TTC6: variants seen among roughly 807,000 people sequenced by gnomAD.
TTC6 encodes the protein tetratricopeptide repeat domain 6, also known as tetratricopeptide repeat protein 6.
In TTC6, 172 loss-of-function variants were observed where a neutral mutation model predicts 210.4. The observed-to-expected ratio is 0.82, with a 90% CI of 0.72 to 0.93. TTC6 has a LOEUF of 0.93. Among genes scored for constraint, TTC6 ranks in the 40% least tolerant of loss-of-function variants. The pLI, the probability that TTC6 is intolerant of heterozygous loss-of-function variation, is 0.00. For missense variants in TTC6, 2,414 were observed against 2,318.1 expected, an observed-to-expected ratio of 1.04 and a Z score of -0.85; for synonymous variants, 804 against 819.6, an observed-to-expected ratio of 0.98 and a Z score of 0.32.
At chr14:37,841,708 G>A (rs1482769474) in intron 30 of TTC6, 38 bp downstream of exon 32, 5 of 1,475,576 alleles carry the variant, frequency 3.4e-6, no homozygotes, top group South Asian at 1.2e-5. Flanking sequence ...GATTACAGTG[G>A]TTGAAGTGAT....
chr14:37,629,107 A>G (rs2095665130), intron 1 of TTC6, among the ~76,000 whole-genome samples: 1 of 152,132 alleles, frequency 6.6e-6, no homozygotes, highest in South Asian at 2.1e-4. Context: ...TTGGTTCCAT[A>G]TGAAATTTAA....
chr14:37,805,761 C>T (rs781015141), intron 21 of TTC6, among the ~76,000 whole-genome samples: 14 of 152,136 alleles, frequency 9.2e-5, no homozygotes, highest in Admixed American at 4.6e-4. Context: ...AGTGCAGTGG[C>T]GCGATCTCGG....
At chr14:37,838,534 CTT>C (rs2096202959) in intron 29 of TTC6, among the ~76,000 whole-genome samples, 1 of 152,134 alleles carries the variant, frequency 6.6e-6, no homozygotes, top group Admixed American at 6.5e-5. Context: ...TTTCCTCTCT[CTT>C]TTTTATACCT....
exon 1 of TTC6, chr14:37,622,774 G>C (rs1222241328): frequency 6.5e-7 from 1 of 1,534,816 alleles, no homozygotes; most frequent in African/African-American, 1.4e-5. Flanking sequence ...AGCGGGGCCC[G>C]CGAGGCGCGG....
At chr14:37,629,100 G>T (rs1231869537) in intron 1 of TTC6, among the ~76,000 whole-genome samples, 2 of 152,086 alleles carry the variant, frequency 1.3e-5, no homozygotes, top group Admixed American at 1.3e-4. Flanking sequence ...CTCTTTTTTG[G>T]TTCCATATGA....
chr14:37,770,859 G>T (rs2096015956), intron 14 of TTC6, among the ~76,000 whole-genome samples: 1 of 149,888 alleles, frequency 6.7e-6, no homozygotes, highest in African/African-American at 2.5e-5. Flanking sequence ...ATGTTAGCTG[G>T]TTATTTCGCT....
intron 1 of TTC6, among the ~76,000 whole-genome samples, chr14:37,665,072 T>C (rs751993002): frequency 6.6e-6 from 1 of 150,594 alleles, no homozygotes; most frequent in Non-Finnish European, 1.5e-5. Context: ...AGTTCAACCA[T>C]TGTGGAAGAC....
chr14:37,614,927 A>T (rs1035727806), intron 2 of TTC6, among the ~76,000 whole-genome samples: 2 of 152,096 alleles, frequency 1.3e-5, no homozygotes, highest in East Asian at 3.9e-4. Flanking sequence ...TAGTATTTTT[A>T]GTACAGATGG....
At chr14:37,744,449 AG>A (rs1259443075) in intron 10 of TTC6, among the ~76,000 whole-genome samples, 1 of 152,216 alleles carries the variant, frequency 6.6e-6, no homozygotes, top group Non-Finnish European at 1.5e-5. Flanking sequence ...GAATGGAATG[AG>A]GGAGTGAGGT....
intron 2 of TTC6, among the ~76,000 whole-genome samples, chr14:37,615,023 A>C (rs1219418676): frequency 6.6e-6 from 1 of 152,182 alleles, no homozygotes. Flanking sequence ...CTGGGATTAC[A>C]GGCATGAGCC....
intron 20 of TTC6, among the ~76,000 whole-genome samples, chr14:37,799,404 T>C (rs1384331321): frequency 6.6e-6 from 1 of 152,196 alleles, no homozygotes; most frequent in Non-Finnish European, 1.5e-5. Context: ...TTTCCTCACT[T>C]TCCACTCATT....
chr14:37,616,767 A>G (rs1027787212), intron 2 of TTC6, among the ~76,000 whole-genome samples: 6 of 151,214 alleles, frequency 4.0e-5, no homozygotes, highest in Non-Finnish European at 5.9e-5. Flanking sequence ...AGATGCATCT[A>G]TGGCTCTCCA....
rs1471223181 is a variant in TTC6, at chr14:37,655,111, C to A, written c.940-25040C>A. Reference sequence around the variant, plus strand: ...TGACAGCTCTCATTACCCCAGCTGTCAAACTACTTGCTTGTCCAGTGTAGC... The same window carrying A: ...TGACAGCTCTCATTACCCCAGCTGTAAAACTACTTGCTTGTCCAGTGTAGC... On this transcript the variant is annotated intron_variant, in intron 1 of 30. Coordinates refer to ENST00000553443, the Ensembl canonical transcript of TTC6. Among the ~76,000 whole-genome samples the A allele has an allele frequency of 2.0e-5, 3 of 152,194 alleles. No homozygotes were observed. The East Asian group carries it at 5.8e-4, about 29-fold the overall frequency.
At chr14:37,761,564 A>G (rs57249183) in intron 14 of TTC6, among the ~76,000 whole-genome samples, 4,474 of 152,146 alleles carry the variant, frequency 0.029, 208 homozygotes, top group African/African-American at 0.1. Context: ...CCATGTAACC[A>G]TCATCAGGTC....
At chr14:37,738,646 C>A in intron 9 of TTC6, 130 bp from the exon 12 acceptor site, 1 of 791,082 alleles carries the variant, frequency 1.3e-6, no homozygotes, top group Non-Finnish European at 1.8e-6. Flanking sequence ...TTTAAGAATA[C>A]TGATTTTTAA....
At chr14:37,697,868 C>T (rs2095817709) in intron 4 of TTC6, among the ~76,000 whole-genome samples, 2 of 152,102 alleles carry the variant, frequency 1.3e-5, no homozygotes, top group East Asian at 3.9e-4. Flanking sequence ...AAAAACCTTG[C>T]ATTTAGTGCA....
intron 1 of TTC6, among the ~76,000 whole-genome samples, chr14:37,656,731 G>A (rs1024035428): frequency 1.3e-5 from 2 of 152,092 alleles, no homozygotes; most frequent in African/African-American, 4.8e-5. Context: ...GAAGGTGAGA[G>A]AAAGGAGAGA....
At chr14:37,768,188 G>C (rs559902989) in intron 14 of TTC6, among the ~76,000 whole-genome samples, 156 of 150,756 alleles carry the variant, frequency 1.0e-3, no homozygotes, top group African/African-American at 3.4e-3. Flanking sequence ...GTACCATGCT[G>C]TTTTGGTTAC....
chr14:37,813,613 A>C (rs1198784400), intron 25 of TTC6, among the ~76,000 whole-genome samples: 2 of 152,240 alleles, frequency 1.3e-5, no homozygotes, highest in Non-Finnish European at 2.9e-5. Context: ...ACTGGTATTC[A>C]AAAGAGGTTA....
Sources: allele counts gnomAD v4.1 joint callset (sites outside exome capture counted in the v4.1 genomes callset), GRCh38; gene constraint gnomAD v4.1.1; transcripts MANE v1.5; gene names NCBI Gene and HGNC (gene_info 2026-07-23, HGNC 2026-07-21).